KLC4: variants seen among roughly 807,000 people sequenced by gnomAD.
KLC4 encodes the protein kinesin-like protein 8.
Under a neutral mutation model 77.2 loss-of-function variants are expected in KLC4, and 49 were observed. The ratio of observed to expected loss-of-function variants is 0.63; its 90% CI spans 0.50 to 0.80. KLC4 has a LOEUF of 0.80. Ranked by LOEUF, KLC4 falls within the 30% of genes least tolerant of loss-of-function variation. KLC4 has a pLI of 0.00. For missense variants in KLC4, 669 were observed against 793.5 expected (o/e 0.84, Z 1.89); for synonymous variants, 274 against 314.5 (o/e 0.87, Z 1.36).
In KLC4 at chr6:43,060,673, G is replaced by T. The variant is rs1479367686; in HGVS notation, c.-25-638G>T. ...AGTGGGAACACAGTCTGAGTCCTGG[G>T]GGGTGGGAAGTATGGGTTGAAGGTT... On this transcript the variant is annotated intron_variant, in intron 1 of 15. Transcript: ENST00000347162. 8.6e-6 allele frequency: 9 copies of T among 1,052,482 alleles called. No homozygotes were observed. The South Asian group carries it at 2.2e-4, about 26-fold the overall frequency. 65.2% of individuals were successfully genotyped at this position (1,052,482 alleles called of 1,614,324 possible). A position where few individuals can be genotyped will look rare whatever the true frequency, so the allele number is the denominator to read the frequency against.
intron 2 of KLC4, among the ~76,000 whole-genome samples, chr6:43,061,796 C>T (rs1370675241): frequency 6.6e-6 from 1 of 152,144 alleles, no homozygotes; most frequent in African/African-American, 2.4e-5. Flanking sequence ...AAATCTTTGC[C>T]ATCTTGGAGG....
chr6:43,070,365 A>G lies in KLC4; in HGVS notation c.891A>G (p.Thr297=), dbSNP rs1287637248. ...GCCTGTCTTCATAGGTGGCTGCCACACTCAACAATTTGGCTGTGCTCTATG... is the reference window on the plus strand; with the variant it reads ...GCCTGTCTTCATAGGTGGCTGCCACGCTCAACAATTTGGCTGTGCTCTATG... The part of the protein sequence containing the change: ...LGPDHPAVAA[T]LNNLAVLYGK... The change falls in exon 7 of 16, where the codon ACA becomes ACG. Residue 297 remains threonine, a synonymous_variant. Coordinates refer to ENST00000347162, the MANE Select transcript of KLC4 (RefSeq NM_201521.3). 1.9e-6 allele frequency: 3 copies of G among 1,613,662 alleles called. No individual in the cohort carries two copies. The highest frequency in any genetic ancestry group is 2.5e-6 in the Non-Finnish European group (3 of 1,179,712).
At position 43,074,659 on chromosome 6, in the gene KLC4, C is replaced by A; in HGVS notation, c.1847C>A (p.Ser616Tyr). ...CTCAGTGCCAGCACCATGGACCTCTCTTCAAGCAGCTGACATTCAACCCGG... is the reference window on the plus strand; with the variant it reads ...CTCAGTGCCAGCACCATGGACCTCTATTCAAGCAGCTGACATTCAACCCGG... ...RGLSASTMDL[S>Y]SSS The change falls in exon 16 of 16, where the codon TCT (serine) becomes TAT (tyrosine). Residue 616 changes from serine to tyrosine, a missense_variant. Physicochemically the swap from Ser to Tyr is moderately radical, Grantham distance 144. Coordinates refer to ENST00000347162, the MANE Select transcript of KLC4 (RefSeq NM_201521.3). 1 of 1,614,198 alleles carries A rather than the reference C, an allele frequency of 6.2e-7. No individual in the cohort carries two copies. Among genetic ancestry groups the A allele is most frequent in the South Asian group, 1.1e-5 (1 of 91,084 alleles).
At chr6:43,064,337 A>G (rs2150352541) in intron 3 of KLC4, among the ~76,000 whole-genome samples, 1 of 152,292 alleles carries the variant, frequency 6.6e-6, no homozygotes, top group South Asian at 2.1e-4. Flanking sequence ...GAGCCTGGGC[A>G]ACATAGTGAG....
At chr6:43,060,689 G>A (rs1343927881) in intron 1 of KLC4, 6 of 985,472 alleles carry the variant, frequency 6.1e-6, no homozygotes, top group Non-Finnish European at 7.5e-6. Flanking sequence ...GGAAGTATGG[G>A]TTGAAGGTTA....
rs146891094 is a variant in KLC4, at chr6:43,067,063, T to C, written c.859T>C (p.Leu287=). 46 of 1,614,112 alleles carry C rather than the reference T, an allele frequency of 2.8e-5. No individual in the cohort carries two copies. The highest frequency in any genetic ancestry group is 1.9e-4 in the African/African-American group (14 of 75,016). Residue 287 remains leucine (L), a synonymous_variant, in exon 6 of 16, where the codon TTG becomes CTG. Coordinates refer to ENST00000347162, the MANE Select transcript of KLC4 (RefSeq NM_201521.3). ...NDALSIREST[L]GPDHPAVAAT... is the part of the protein sequence containing the mutation. ...TGCCCTTAGCATCCGGGAGAGCACC[T>C]TGGGACCTGACCATCCTGCTGTCAG...
At chr6:43,059,941 G>A in intron 1 of KLC4, 1 of 1,300,454 alleles carries the variant, frequency 7.7e-7, no homozygotes. Flanking sequence ...TGGAGCTGCG[G>A]ACCTCAGTCG....
chr6:43,059,690 G>A lies in KLC4; in HGVS notation c.-26+5G>A, dbSNP rs1193348933. 1 of 1,320,550 alleles carries A rather than the reference G, an allele frequency of 7.6e-7. No individual in the cohort carries two copies. The highest frequency in any genetic ancestry group is 9.6e-7 in the Non-Finnish European group (1 of 1,036,944). 81.8% of individuals were successfully genotyped at this position (1,320,550 alleles called of 1,614,324 possible). On this transcript the variant is annotated splice_donor_5th_base_variant and intron_variant, in intron 1 of 15. Transcript: ENST00000347162. Reference sequence around the variant, plus strand: ...AGCCACACCGGCAGATTGCAGGTGAGTCTTTGAGGGTATCCTGGGGCTGAA... The same window carrying A: ...AGCCACACCGGCAGATTGCAGGTGAATCTTTGAGGGTATCCTGGGGCTGAA...
At position 43,070,686 on chromosome 6, in the gene KLC4, T is replaced by C. The variant is rs745600121; in HGVS notation, c.982-6T>C. On this transcript the variant is annotated splice_region_variant and splice_polypyrimidine_tract_variant and intron_variant, in intron 7 of 15. Transcript: ENST00000347162. ...GCCATTTATCCACTCCTTTGTTCCCTTTCAGGTCCTGGGCACGAATCATCC... is the reference window on the plus strand; with the variant it reads ...GCCATTTATCCACTCCTTTGTTCCCCTTCAGGTCCTGGGCACGAATCATCC... 6.2e-7 allele frequency: 1 copy of C among 1,609,570 alleles called. No individual in the cohort carries two copies. The highest frequency in any genetic ancestry group is 8.5e-7 in the Non-Finnish European group (1 of 1,176,178).
At chr6:43,068,637 G>A (rs1261076181) in intron 6 of KLC4, among the ~76,000 whole-genome samples, 3 of 151,600 alleles carry the variant, frequency 2.0e-5, no homozygotes, top group South Asian at 2.1e-4. Context: ...GTAAAACCCC[G>A]TCTCTACTAA....
intron 2 of KLC4, among the ~76,000 whole-genome samples, chr6:43,062,153 G>A (rs1765196737): frequency 6.6e-6 from 1 of 152,248 alleles, no homozygotes; most frequent in African/African-American, 2.4e-5. Context: ...AGTGAATGAG[G>A]AGAAGCAAGG....
At chr6:43,060,192 C>T (rs1765068715) in intron 1 of KLC4, 1 of 1,613,670 alleles carries the variant, frequency 6.2e-7, no homozygotes, top group African/African-American at 1.3e-5. Context: ...TGTAGGTGAC[C>T]GTGACAGAGA....
At chr6:43,074,332 C>T in intron 15 of KLC4, 3 of 485,580 alleles carry the variant, frequency 6.2e-6, no homozygotes, top group Non-Finnish European at 1.1e-5. Context: ...TAATCCCCAT[C>T]TGAGAAAACA....
chr6:43,066,876 C>T, intron 5 of KLC4, 120 bp from the exon 6 acceptor site: 2 of 1,439,966 alleles, frequency 1.4e-6, no homozygotes, highest in Non-Finnish European at 1.9e-6. Flanking sequence ...CCACGCCAGG[C>T]TTCCTGTCTC....
intron 3 of KLC4, chr6:43,065,368 C>A: frequency 2.5e-6 from 1 of 400,172 alleles, no homozygotes; most frequent in Non-Finnish European, 4.6e-6. Flanking sequence ...GCCACCACAC[C>A]CGGCCAGGAA....
chr6:43,072,622 C>A, intron 12 of KLC4: 1 of 594,136 alleles, frequency 1.7e-6, no homozygotes, highest in Non-Finnish European at 2.9e-6. Flanking sequence ...TCAGTATGGG[C>A]CATGGGGATA....
rs371929554 is a variant in KLC4, at chr6:43,059,852, T to C, written c.-26+167T>C. ...CCCCGCCCCTCGGCGTCCAGACAGA[T>C]AGACAGACGACCTGCCCCGCCCCCT... On this transcript the variant is annotated intron_variant, in intron 1 of 15. Coordinates refer to ENST00000347162, the MANE Select transcript of KLC4 (RefSeq NM_201521.3). 1.3e-4 allele frequency: 158 copies of C among 1,187,522 alleles called. No homozygotes were observed. The African/African-American group carries it at 2.0e-3, about 15-fold the overall frequency. The allele number at this position is 1,187,522 out of a possible 1,614,324, so 73.6% of individuals were successfully genotyped here.
rs200701457 is a variant in KLC4 at position 43,073,273 on chromosome 6, T to C, written c.1680T>C (p.Asp560=). The change falls in exon 14 of 16, where the codon GAT becomes GAC. Residue 560 remains aspartate, a synonymous_variant. Transcript: ENST00000347162. ...QRSGSLGKIR[D]VLRRSSELLV... ...GTGGCTCTCTTGGCAAGATCCGGGA[T>C]GTGCTCCGCAGAAGCAGTGAACTCT... is the stretch of plus-strand genomic sequence containing the variant. The C allele has an allele frequency of 3.1e-6, 5 of 1,614,152 alleles. No individual in the cohort carries two copies. The East Asian group carries it at 1.1e-4, about 36-fold the overall frequency.
chr6:43,073,671 AG>A, intron 14 of KLC4: 1 of 562,928 alleles, frequency 1.8e-6, no homozygotes, highest in East Asian at 3.0e-5. Context: ...AAAAAAAAAA[AG>A]ATATGGTAAA....
Sources: gnomAD v4.1 joint callset for allele counts (sites outside exome capture counted in the v4.1 genomes callset) on GRCh38, gnomAD v4.1.1 for gene constraint, MANE v1.5 for transcripts, NCBI Gene and HGNC (gene_info 2026-07-23, HGNC 2026-07-21) for gene names.